PAK2: variants seen among roughly 807,000 people sequenced by gnomAD.
PAK2 encodes the protein serine/threonine-protein kinase PAK 2.
Under a neutral mutation model 65.9 loss-of-function variants are expected in PAK2, and 21 were observed. The observed-to-expected ratio is 0.32, with a 90% CI of 0.23 to 0.46. The LOEUF (loss-of-function observed/expected upper bound fraction) is 0.46, where lower values mean the gene tolerates loss of function less well. Ranked by LOEUF, PAK2 falls within the 20% of genes least tolerant of loss-of-function variation. The pLI is 1.00. For missense variants in PAK2, 324 were observed against 642.6 expected (o/e 0.50, Z 5.36); for synonymous variants, 204 against 219.7 (o/e 0.93, Z 0.63).
chr3:196,751,244 A>G (rs1302169363), intron 1 of PAK2, among the ~76,000 whole-genome samples: 1 of 152,186 alleles, frequency 6.6e-6, no homozygotes, highest in Admixed American at 6.5e-5. Flanking sequence ...TGAAAATCCA[A>G]AATCCGAAAT....
In PAK2 at chr3:196,829,827, ATTTG is replaced by A. The variant is rs1003401441; in HGVS notation, c.*1426_*1429del. The A allele has an allele frequency of 1.3e-5, 2 of 152,172 alleles. No homozygotes were observed. Among genetic ancestry groups the A allele is most frequent in the Non-Finnish European group, 2.9e-5 (2 of 68,022 alleles). 9.4% of individuals were successfully genotyped at this position (152,172 alleles called of 1,614,324 possible). ...TGAAATGTGCGTGTTGATAGCAATA[ATTTG>A]TTTCTTTTAAAGATTCTAAAAGGTC... On this transcript the variant is annotated 3_prime_UTR_variant, in exon 15 of 15. Transcript: ENST00000327134.
At chr3:196,755,876 C>G (rs942205398) in intron 1 of PAK2, among the ~76,000 whole-genome samples, 1 of 152,166 alleles carries the variant, frequency 6.6e-6, no homozygotes, top group Non-Finnish European at 1.5e-5. Context: ...CTGCCTCAGC[C>G]TCCTTAGTAG....
At chr3:196,765,473 G>A (rs1714134187) in intron 1 of PAK2, among the ~76,000 whole-genome samples, 1 of 152,102 alleles carries the variant, frequency 6.6e-6, no homozygotes, top group Non-Finnish European at 1.5e-5. Flanking sequence ...AAGTAGTTTT[G>A]CCAGTTTATA....
chr3:196,815,515 A>G (rs577453589), intron 11 of PAK2, among the ~76,000 whole-genome samples: 1 of 150,710 alleles, frequency 6.6e-6, no homozygotes, highest in South Asian at 2.1e-4. Context: ...GAGGCTGGGT[A>G]CAGTGTCTCT....
At chr3:196,755,729 A>AT (rs1713745852) in intron 1 of PAK2, among the ~76,000 whole-genome samples, 1 of 151,634 alleles carries the variant, frequency 6.6e-6, no homozygotes, top group Admixed American at 6.6e-5. Flanking sequence ...AAGTGTTGGG[A>AT]TTACAGGCGT....
At chr3:196,760,007 A>C (rs1713909525) in intron 1 of PAK2, among the ~76,000 whole-genome samples, 1 of 152,144 alleles carries the variant, frequency 6.6e-6, no homozygotes, top group Non-Finnish European at 1.5e-5. Flanking sequence ...GGAATGATAC[A>C]ATATGTGGTC....
rs1161247311 is a variant in PAK2 at position 196,829,422 on chromosome 3, A to G, written c.*1017A>G. ...TCACAGATACCCCCTCCCATGGCAAATAATATAATAACCAGTGAATTTTCA... is the reference window on the plus strand; with the variant it reads ...TCACAGATACCCCCTCCCATGGCAAGTAATATAATAACCAGTGAATTTTCA... On this transcript the variant is annotated 3_prime_UTR_variant, in exon 15 of 15. Coordinates refer to ENST00000327134, the MANE Select transcript of PAK2 (RefSeq NM_002577.4). 6.6e-6 allele frequency: 1 copy of G among 152,414 alleles called. No homozygotes were observed. Among genetic ancestry groups the G allele is most frequent in the Non-Finnish European group, 1.5e-5 (1 of 68,030 alleles). The allele number at this position is 152,414 out of a possible 1,614,324, so 9.4% of individuals were successfully genotyped here. A position where few individuals can be genotyped will look rare whatever the true frequency, so the allele number is the denominator to read the frequency against.
chr3:196,787,594 A>G (rs965034080), intron 2 of PAK2, among the ~76,000 whole-genome samples: 1 of 152,028 alleles, frequency 6.6e-6, no homozygotes, highest in African/African-American at 2.4e-5. Flanking sequence ...AAAAAAAAAA[A>G]AAAGAATTGT....
At chr3:196,787,913 A>T (rs1159135843) in intron 2 of PAK2, among the ~76,000 whole-genome samples, 1 of 152,238 alleles carries the variant, frequency 6.6e-6, no homozygotes, top group African/African-American at 2.4e-5. Flanking sequence ...GTGTTTACAC[A>T]TCCGTGCTTT....
At chr3:196,748,488 C>G (rs915516740) in intron 1 of PAK2, among the ~76,000 whole-genome samples, 5 of 152,214 alleles carry the variant, frequency 3.3e-5, no homozygotes, top group African/African-American at 1.2e-4. Flanking sequence ...CTGTTCCTCC[C>G]ACTTTTACTG....
chr3:196,743,282 T>C (rs1713267560), intron 1 of PAK2, among the ~76,000 whole-genome samples: 1 of 152,190 alleles, frequency 6.6e-6, no homozygotes, highest in Non-Finnish European at 1.5e-5. Context: ...CTTTAGTACT[T>C]ACTCCATGTA....
chr3:196,812,608 C>G (rs1275701062), intron 9 of PAK2, 131 bp from the exon 10 acceptor site: 3 of 601,266 alleles, frequency 5.0e-6, no homozygotes, highest in Non-Finnish European at 8.9e-6. Context: ...GTGTGCAAGG[C>G]AAGGTGCCAC....
intron 2 of PAK2, among the ~76,000 whole-genome samples, chr3:196,786,900 T>C (rs1432703403): frequency 6.6e-6 from 1 of 151,664 alleles, no homozygotes; most frequent in East Asian, 1.9e-4. Context: ...TCTTGGATCA[T>C]TGCAACCTCC....
At chr3:196,774,810 T>C (rs561869985) in intron 1 of PAK2, among the ~76,000 whole-genome samples, 23 of 152,312 alleles carry the variant, frequency 1.5e-4, no homozygotes, top group African/African-American at 5.5e-4. Flanking sequence ...ATTTAACCAA[T>C]TCTGACTTCT....
rs1316734606 is a variant in PAK2 at position 196,831,853 on chromosome 3, CATTTGGGGTTTTTT to C, written c.*3451_*3464del. ...TATAGCTAAAATCCAGATTAATACTCATTTGGGGTTTTTTATAGTGGAACTTCATAGTAATACAA... is the reference window on the plus strand; with the variant it reads ...TATAGCTAAAATCCAGATTAATACTCATAGTGGAACTTCATAGTAATACAA... On this transcript the variant is annotated 3_prime_UTR_variant, in exon 15 of 15. Transcript: ENST00000327134. The C allele has an allele frequency of 1.3e-5, 2 of 152,096 alleles. No individual in the cohort carries two copies. The highest frequency in any genetic ancestry group is 2.4e-5 in the African/African-American group (1 of 41,408). The allele number at this position is 152,096 out of a possible 1,614,324, so 9.4% of individuals were successfully genotyped here. A position where few individuals can be genotyped will look rare whatever the true frequency, so the allele number is the denominator to read the frequency against.
intron 1 of PAK2, chr3:196,747,232 A>G (rs1713416273): frequency 6.6e-6 from 1 of 151,704 alleles, no homozygotes; most frequent in Admixed American, 6.6e-5. Context: ...TTAATTCTTA[A>G]TGAATTCTTA....
intron 1 of PAK2, among the ~76,000 whole-genome samples, chr3:196,777,449 C>A (rs538400546): frequency 5.5e-4 from 83 of 152,276 alleles, no homozygotes; most frequent in Non-Finnish European, 8.5e-4. Context: ...AGTAATCCCC[C>A]GACCTTGGCC....
chr3:196,771,334 T>C (rs575493634), intron 1 of PAK2, among the ~76,000 whole-genome samples: 1 of 152,224 alleles, frequency 6.6e-6, no homozygotes, highest in South Asian at 2.1e-4. Flanking sequence ...GAATTCTTTG[T>C]CTTTGATATT....
chr3:196,795,027 A>C (rs1318982775), intron 2 of PAK2, among the ~76,000 whole-genome samples: 1 of 152,210 alleles, frequency 6.6e-6, no homozygotes, highest in African/African-American at 2.4e-5. Flanking sequence ...ATATCCTCAT[A>C]CTTCTTTGAA....
Sources: gnomAD v4.1 joint callset for allele counts (sites outside exome capture counted in the v4.1 genomes callset) on GRCh38, gnomAD v4.1.1 for gene constraint, MANE v1.5 for transcripts, NCBI Gene and HGNC (gene_info 2026-07-23, HGNC 2026-07-21) for gene names.